Variants in SLC6A11 observed in about 807,000 individuals in gnomAD.
SLC6A11 encodes solute carrier family 6 member 11, also known as sodium- and chloride-dependent GABA transporter 3.
Under a neutral mutation model 74.8 loss-of-function variants are expected in SLC6A11, and 25 were observed. That is an observed-to-expected ratio of 0.33 (90% CI 0.24 to 0.47). The LOEUF is 0.47. Among genes scored for constraint, SLC6A11 ranks in the 20% least tolerant of loss-of-function variants. The pLI is 1.00. For synonymous variants in SLC6A11, 330 were observed against 330.2 expected, an observed-to-expected ratio of 1.00 and a Z score of 0.01; for missense variants, 574 against 837.0, an observed-to-expected ratio of 0.69 and a Z score of 3.88.
intron 6 of SLC6A11, among the ~76,000 whole-genome samples, chr3:10,895,837 C>T (rs1002995897): frequency 2.6e-5 from 4 of 152,002 alleles, no homozygotes; most frequent in African/African-American, 7.3e-5. Context: ...GGCTTACTAC[C>T]TAGGTGATGG....
chr3:10,823,580 C>A, intron 4 of SLC6A11, 188 bp downstream of exon 4: 1 of 557,788 alleles, frequency 1.8e-6, no homozygotes, highest in South Asian at 2.3e-5. Context: ...AAAGGGGCAG[C>A]TGAGAGAAAT....
intron 5 of SLC6A11, among the ~76,000 whole-genome samples, chr3:10,853,989 G>A (rs932746514): frequency 2.0e-5 from 3 of 152,200 alleles, no homozygotes; most frequent in Admixed American, 6.5e-5. Context: ...CCTTCTGTAC[G>A]GCTTTCATTG....
intron 6 of SLC6A11, among the ~76,000 whole-genome samples, chr3:10,876,766 CAGAGAG>C (rs71055842): frequency 6.6e-5 from 6 of 91,264 alleles, no homozygotes; most frequent in African/African-American, 1.7e-4. Context: ...ACCTCCCACA[CAGAGAG>C]AGAGAGAGAG....
chr3:10,936,990 C>T (rs890483176), intron 13 of SLC6A11, among the ~76,000 whole-genome samples: 3 of 152,084 alleles, frequency 2.0e-5, no homozygotes, highest in Non-Finnish European at 4.4e-5. Flanking sequence ...CCCTCCTTAC[C>T]GAGAGTCCTT....
At chr3:10,898,173 G>A (rs1241801402) in intron 6 of SLC6A11, among the ~76,000 whole-genome samples, 2 of 152,172 alleles carry the variant, frequency 1.3e-5, no homozygotes, top group East Asian at 3.9e-4. Context: ...CTAGGCCTCT[G>A]GGCCTGTGAT....
intron 7 of SLC6A11, among the ~76,000 whole-genome samples, chr3:10,913,809 T>A (rs1695418759): frequency 6.6e-6 from 1 of 152,206 alleles, no homozygotes; most frequent in African/African-American, 2.4e-5. Context: ...TTCTCCTGCC[T>A]CAGCCTCCCG....
intron 5 of SLC6A11, among the ~76,000 whole-genome samples, chr3:10,844,750 A>G (rs1694482087): frequency 6.6e-6 from 1 of 152,208 alleles, no homozygotes; most frequent in South Asian, 2.1e-4. Context: ...ACAGACCCCA[A>G]GATCTCAGGG....
At chr3:10,924,292 C>A (rs74821316) in intron 8 of SLC6A11, among the ~76,000 whole-genome samples, 3,200 of 152,140 alleles carry the variant, frequency 0.021, 130 homozygotes, top group African/African-American at 0.073. Flanking sequence ...TGCCTCTATA[C>A]CATATGGCAA....
At chr3:10,873,961 CGCTATGCTAT>C (rs1312939369) in intron 5 of SLC6A11, among the ~76,000 whole-genome samples, 5,269 of 142,424 alleles carry the variant, frequency 0.037, 314 homozygotes, top group African/African-American at 0.13. Flanking sequence ...TGCTATGCTA[CGCTATGCTAT>C]GCTACGCTAC....
At chr3:10,927,392 C>G (rs959400854) in intron 9 of SLC6A11, among the ~76,000 whole-genome samples, 6 of 152,324 alleles carry the variant, frequency 3.9e-5, no homozygotes, top group African/African-American at 1.4e-4. Flanking sequence ...CTGCCTATCC[C>G]CATGCGTGCT....
At position 10,929,245 on chromosome 3, in the gene SLC6A11, A is replaced by G. The variant is rs769125949; in HGVS notation, c.1277A>G (p.Tyr426Cys). 2 of 1,613,936 alleles carry G rather than the reference A, an allele frequency of 1.2e-6. No individual in the cohort carries two copies. Among genetic ancestry groups the G allele is most frequent in the East Asian group, 2.2e-5 (1 of 44,880 alleles). ...ESLVTAVVDM[Y>C]PKVFRRGYRR... ...CTGGTGACCGCCGTGGTGGACATGT[A>G]CCCCAAGGTTTTCCGGAGGGGTTAC... is the stretch of plus-strand genomic sequence containing the variant. The change falls in exon 10 of 14, where the codon TAC becomes TGC. Residue 426 changes from tyrosine (Y) to cysteine (C), a missense_variant. By Grantham distance (194) the Tyr-to-Cys change is radical. This residue lies in a region of SLC6A11 where 257 missense variants were observed against 341.5 expected (regional missense o/e 0.75). Coordinates refer to ENST00000254488, the MANE Select transcript of SLC6A11 (RefSeq NM_014229.3).
At chr3:10,932,063 C>T (rs2124821454) in intron 10 of SLC6A11, among the ~76,000 whole-genome samples, 1 of 152,298 alleles carries the variant, frequency 6.6e-6, no homozygotes, top group East Asian at 1.9e-4. Flanking sequence ...TTTATTTCCC[C>T]TGCGTTTGAT....
chr3:10,827,106 C>G (rs547543040), intron 4 of SLC6A11, among the ~76,000 whole-genome samples: 109 of 152,290 alleles, frequency 7.2e-4, no homozygotes, highest in African/African-American at 2.2e-3. Context: ...TGCCCCTGAG[C>G]TGAGATTAGA....
intron 7 of SLC6A11, among the ~76,000 whole-genome samples, chr3:10,913,297 G>A (rs1481277585): frequency 6.6e-6 from 1 of 152,110 alleles, no homozygotes; most frequent in African/African-American, 2.4e-5. Context: ...GAACTAAGTG[G>A]CAGATTGGTC....
intron 11 of SLC6A11, 37 bp from the exon 12 acceptor site, chr3:10,934,029 G>A: frequency 7.0e-7 from 1 of 1,428,982 alleles, no homozygotes; most frequent in South Asian, 1.2e-5. Flanking sequence ...AAACTTCTCT[G>A]GGGTGTGTAT....
intron 5 of SLC6A11, among the ~76,000 whole-genome samples, chr3:10,857,725 C>T (rs1694655381): frequency 6.6e-6 from 1 of 152,102 alleles, no homozygotes; most frequent in African/African-American, 2.4e-5. Flanking sequence ...ACTCACAGAC[C>T]CTGCACCCCT....
chr3:10,877,074 A>G (rs1694917602), intron 6 of SLC6A11, among the ~76,000 whole-genome samples: 1 of 152,196 alleles, frequency 6.6e-6, no homozygotes, highest in Non-Finnish European at 1.5e-5. Context: ...ATAGGCTGGC[A>G]AACTATGGCC....
At chr3:10,907,925 G>A (rs553676114) in intron 6 of SLC6A11, among the ~76,000 whole-genome samples, 1 of 152,284 alleles carries the variant, frequency 6.6e-6, no homozygotes, top group South Asian at 2.1e-4. Flanking sequence ...ATAAGGGCTG[G>A]GGGTGATTGT....
intron 1 of SLC6A11, among the ~76,000 whole-genome samples, chr3:10,817,903 G>A (rs141609715): frequency 2.6e-5 from 4 of 152,202 alleles, no homozygotes; most frequent in Non-Finnish European, 5.9e-5. Context: ...TACAGCGTTT[G>A]TAAGCTGCGT....
Sources: allele counts gnomAD v4.1 joint callset (sites outside exome capture counted in the v4.1 genomes callset), GRCh38; gene constraint gnomAD v4.1.1; regional missense constraint gnomAD v4.1.1; transcripts MANE v1.5; gene names NCBI Gene and HGNC (gene_info 2026-07-23, HGNC 2026-07-21).